The following COPB1 variants were observed in gnomAD, a reference collection of about 807,000 sequenced individuals.
COPB1 encodes the protein coat protein complex I subunit beta 1, also known as coatomer subunit beta.
A neutral mutation model predicts 108.7 loss-of-function variants in COPB1; 21 were observed. That is an observed-to-expected ratio of 0.19 (90% CI 0.14 to 0.28). The LOEUF is 0.28. Ranked by LOEUF, COPB1 falls within the 10% of genes least tolerant of loss-of-function variation. COPB1 has a pLI of 1.00. For synonymous variants in COPB1, 378 were observed against 386.8 expected (o/e 0.98, Z 0.27); for missense variants, 919 against 1,141.3 (o/e 0.81, Z 2.81).
rs757716879 is a variant in COPB1 at position 14,479,551 on chromosome 11, A to C, written c.1358+18T>G. On this transcript the variant is annotated intron_variant, in intron 11 of 21. Transcript: ENST00000439561. ...AAATGCTTACTTGACCTTACATTTA[A>C]ATGTATTTTAAACCTACTTGACAGA... 1 of 1,586,462 alleles carries C rather than the reference A, an allele frequency of 6.3e-7. No individual in the cohort carries two copies. Among genetic ancestry groups the C allele is most frequent in the Non-Finnish European group, 8.6e-7 (1 of 1,168,474 alleles).
chr11:14,463,319 C>T (rs76727859), intron 18 of COPB1, among the ~76,000 whole-genome samples: 3,813 of 152,046 alleles, frequency 0.025, 187 homozygotes, highest in African/African-American at 0.087. Context: ...TTTATTTTTA[C>T]TTATTTATTT....
intron 19 of COPB1, 104 bp downstream of exon 19, chr11:14,461,082 A>G: frequency 7.1e-7 from 1 of 1,414,772 alleles, no homozygotes; most frequent in Non-Finnish European, 9.8e-7. Context: ...TTTGCTTTTC[A>G]TGTTAAACAC....
At chr11:14,468,632 C>T in intron 16 of COPB1, 49 bp downstream of exon 16, 1 of 1,561,402 alleles carries the variant, frequency 6.4e-7, no homozygotes, top group Non-Finnish European at 8.8e-7. Context: ...TAACAACTTC[C>T]TTAAGGAGTC....
intron 8 of COPB1, 87 bp from the exon 9 acceptor site, chr11:14,481,184 TATC>T (rs1850652978): frequency 1.1e-6 from 1 of 937,194 alleles, no homozygotes; most frequent in East Asian, 2.4e-5. Context: ...GGGGTTTATC[TATC>T]ATCACTTTAA....
chr11:14,477,800 G>A (rs1267116937), intron 11 of COPB1, among the ~76,000 whole-genome samples: 3 of 151,758 alleles, frequency 2.0e-5, no homozygotes, highest in Non-Finnish European at 1.5e-5. Flanking sequence ...GGGAGGCTGA[G>A]GCTGGAGAAT....
intron 14 of COPB1, among the ~76,000 whole-genome samples, chr11:14,472,390 T>C (rs1439871766): frequency 6.6e-6 from 1 of 152,248 alleles, no homozygotes; most frequent in African/African-American, 2.4e-5. Context: ...GAGGATGTGC[T>C]GACATCCAGG....
chr11:14,487,665 A>T (rs1344677341), intron 6 of COPB1, among the ~76,000 whole-genome samples: 2 of 151,452 alleles, frequency 1.3e-5, no homozygotes, highest in East Asian at 3.9e-4. Context: ...ATAGAGTGAG[A>T]CTCTGCCCAA....
intron 5 of COPB1, among the ~76,000 whole-genome samples, chr11:14,489,305 A>G (rs2597190): frequency 0.33 from 50,298 of 152,116 alleles, 9,635 homozygotes; most frequent in African/African-American, 0.53. Context: ...CTGCTGTGCA[A>G]AACAGTATGG....
chr11:14,471,566 C>T (rs1850403127), intron 14 of COPB1, among the ~76,000 whole-genome samples: 1 of 152,048 alleles, frequency 6.6e-6, no homozygotes, highest in Admixed American at 6.5e-5. Context: ...GATAATATAC[C>T]TTGTAAATTA....
intron 14 of COPB1, among the ~76,000 whole-genome samples, chr11:14,471,828 AG>A (rs1460265346): frequency 6.6e-6 from 1 of 152,202 alleles, no homozygotes; most frequent in African/African-American, 2.4e-5. Context: ...AGGCTGAGCC[AG>A]GAGAATTGCT....
chr11:14,475,179 T>A (rs1850495775), intron 13 of COPB1, among the ~76,000 whole-genome samples: 1 of 151,508 alleles, frequency 6.6e-6, no homozygotes, highest in Non-Finnish European at 1.5e-5. Context: ...CAATATTTAA[T>A]TAGGGGCATA....
At chr11:14,483,228 C>CCACA (rs3217599) in intron 7 of COPB1, 77 bp from the exon 8 acceptor site, 5,212 of 502,618 alleles carry the variant, frequency 0.01, 33 homozygotes, top group African/African-American at 0.034. Context: ...CGCGCGCACA[C>CCACA]CACACACACA....
chr11:14,461,888 T>C (rs981419075), intron 18 of COPB1, among the ~76,000 whole-genome samples: 3 of 152,200 alleles, frequency 2.0e-5, no homozygotes, highest in Admixed American at 1.3e-4. Flanking sequence ...GTCCCTGATA[T>C]TAAATGGCAT....
chr11:14,474,830 T>C (rs1850484113), intron 13 of COPB1, among the ~76,000 whole-genome samples: 1 of 152,146 alleles, frequency 6.6e-6, no homozygotes, highest in East Asian at 1.9e-4. Context: ...GTGCAGTGGC[T>C]CACACCTGTA....
intron 16 of COPB1, 60 bp downstream of exon 16, chr11:14,468,621 C>T (rs767139198): frequency 2.4e-5 from 36 of 1,501,286 alleles, no homozygotes; most frequent in Non-Finnish European, 3.3e-5. Flanking sequence ...AATAGCAGCA[C>T]TAACAACTTC....
rs758888316 is a variant in COPB1, at chr11:14,479,725, A to G, written c.1213-11T>C. 8.4e-6 allele frequency: 13 copies of G among 1,550,018 alleles called. No individual in the cohort carries two copies. The African/African-American group carries it at 1.7e-4, about 20-fold the overall frequency. ...GAGAAATTCCATTAACTAAAAGAAAAAAAAAAAAAAGAAAATGGAACTAAC... is the reference window on the plus strand; with the variant it reads ...GAGAAATTCCATTAACTAAAAGAAAGAAAAAAAAAAGAAAATGGAACTAAC... On this transcript the variant is annotated splice_polypyrimidine_tract_variant and intron_variant, in intron 10 of 21. Coordinates refer to ENST00000439561, the MANE Select transcript of COPB1 (RefSeq NM_001144061.2).
intron 5 of COPB1, among the ~76,000 whole-genome samples, chr11:14,489,821 A>G (rs1276426052): frequency 6.6e-6 from 1 of 152,214 alleles, no homozygotes; most frequent in East Asian, 1.9e-4. Flanking sequence ...TACATTATAA[A>G]TGTATTTAAA....
intron 2 of COPB1, among the ~76,000 whole-genome samples, chr11:14,497,719 C>T (rs1235176751): frequency 6.6e-6 from 1 of 152,152 alleles, no homozygotes; most frequent in Non-Finnish European, 1.5e-5. Context: ...GAAATGAGTA[C>T]ATCAAAGAGA....
At chr11:14,479,218 G>A (rs1162506704) in intron 11 of COPB1, among the ~76,000 whole-genome samples, 1 of 152,134 alleles carries the variant, frequency 6.6e-6, no homozygotes, top group Non-Finnish European at 1.5e-5. Flanking sequence ...GACAGATTTA[G>A]GTTGCATTTT....
Sources: gnomAD v4.1 joint callset for allele counts (sites outside exome capture counted in the v4.1 genomes callset) on GRCh38, gnomAD v4.1.1 for gene constraint, MANE v1.5 for transcripts, NCBI Gene and HGNC (gene_info 2026-07-23, HGNC 2026-07-21) for gene names.